OSBPL9: variants seen among roughly 807,000 people sequenced by gnomAD.
The protein encoded by OSBPL9 is oxysterol-binding protein-related protein 9.
In OSBPL9, 40 loss-of-function variants were observed where a neutral mutation model predicts 106.6. The ratio of observed to expected loss-of-function variants is 0.38; its 90% CI spans 0.29 to 0.49. The LOEUF is 0.49. Among genes scored for constraint, OSBPL9 ranks in the 20% least tolerant of loss-of-function variants. OSBPL9 has a pLI of 0.97. For missense variants in OSBPL9, 609 were observed against 887.2 expected, an observed-to-expected ratio of 0.69 and a Z score of 3.98; for synonymous variants, 269 against 295.4, an observed-to-expected ratio of 0.91 and a Z score of 0.92.
At chr1:51,620,332 G>T (rs1022687853) in intron 1 of OSBPL9, among the ~76,000 whole-genome samples, 2 of 152,158 alleles carry the variant, frequency 1.3e-5, no homozygotes, top group African/African-American at 4.8e-5. Context: ...AGGTTACTGA[G>T]TACCTATTGT....
chr1:51,556,927 T>C, the OSBPL9 span, among the ~76,000 whole-genome samples: 1 of 151,024 alleles, frequency 6.6e-6, no homozygotes, highest in Non-Finnish European at 1.5e-5. Flanking sequence ...ACAACAGTAA[T>C]TTATTATACA....
At chr1:51,772,956 G>T (rs1290002310) in intron 14 of OSBPL9, among the ~76,000 whole-genome samples, 4 of 152,144 alleles carry the variant, frequency 2.6e-5, no homozygotes, top group African/African-American at 4.8e-5. Context: ...TTAAGATTTG[G>T]TAGAGTTCTA....
chr1:51,640,214 A>T (rs930115454), intron 1 of OSBPL9, among the ~76,000 whole-genome samples: 3 of 152,226 alleles, frequency 2.0e-5, no homozygotes, highest in African/African-American at 7.2e-5. Context: ...TGTTTGCACA[A>T]AACTTTTTCA....
At chr1:51,549,348 T>C in the OSBPL9 span, among the ~76,000 whole-genome samples, 1 of 152,138 alleles carries the variant, frequency 6.6e-6, no homozygotes, top group African/African-American at 2.4e-5. Context: ...CTTCATGAAG[T>C]CTTTTCTCAA....
chr1:51,526,898 C>T, the OSBPL9 span, among the ~76,000 whole-genome samples: 2 of 152,014 alleles, frequency 1.3e-5, no homozygotes, highest in Admixed American at 6.6e-5. Context: ...GCAAGCGCCA[C>T]CACACCTGGC....
At chr1:51,537,069 C>A in the OSBPL9 span, among the ~76,000 whole-genome samples, 1 of 152,192 alleles carries the variant, frequency 6.6e-6, no homozygotes, top group Non-Finnish European at 1.5e-5. Flanking sequence ...GTGATAGTTG[C>A]AAACTGGTGA....
intron 4 of OSBPL9, among the ~76,000 whole-genome samples, chr1:51,732,288 C>G (rs1171046565): frequency 6.6e-6 from 1 of 152,132 alleles, no homozygotes; most frequent in African/African-American, 2.4e-5. Flanking sequence ...TCTAGGATGT[C>G]CCCTGGGGTA....
chr1:51,562,059 CATT>C, the OSBPL9 span: 1 of 152,244 alleles, frequency 6.6e-6, no homozygotes, highest in East Asian at 1.9e-4. Context: ...GTGAACAAGG[CATT>C]AGTATTTTGT....
chr1:51,648,712 C>T (rs1646321550), intron 1 of OSBPL9, among the ~76,000 whole-genome samples: 1 of 152,232 alleles, frequency 6.6e-6, no homozygotes, highest in South Asian at 2.1e-4. Flanking sequence ...CTGTGCAACT[C>T]AGCCACATTT....
At chr1:51,597,138 G>A (rs1228684634) in intron 1 of OSBPL9, among the ~76,000 whole-genome samples, 1 of 152,160 alleles carries the variant, frequency 6.6e-6, no homozygotes, top group Admixed American at 6.5e-5. Flanking sequence ...CAGAAAGAAA[G>A]CCAATGTGGC....
chr1:51,626,337 C>T (rs757328328), intron 1 of OSBPL9, among the ~76,000 whole-genome samples: 1 of 152,100 alleles, frequency 6.6e-6, no homozygotes, highest in Admixed American at 6.5e-5. Context: ...ACAAACTTTT[C>T]GGGGATCTCA....
At chr1:51,589,699 G>A (rs905189048) in intron 1 of OSBPL9, among the ~76,000 whole-genome samples, 6 of 151,826 alleles carry the variant, frequency 4.0e-5, no homozygotes, top group African/African-American at 1.5e-4. Context: ...CAACAAGAAA[G>A]CCAATGTGGC....
At chr1:51,551,967 ATG>A in the OSBPL9 span, among the ~76,000 whole-genome samples, 361 of 145,034 alleles carry the variant, frequency 2.5e-3, 1 homozygote, top group Middle Eastern at 6.9e-3. Flanking sequence ...GTGAATAGAA[ATG>A]TGTGTGTGTG....
chr1:51,529,999 T>C, the OSBPL9 span, among the ~76,000 whole-genome samples: 1 of 150,842 alleles, frequency 6.6e-6, no homozygotes, highest in Non-Finnish European at 1.5e-5. Context: ...GTGAAACCCG[T>C]GTCTACTAAA....
chr1:51,624,871 C>A (rs1644678708), intron 1 of OSBPL9, among the ~76,000 whole-genome samples: 1 of 152,172 alleles, frequency 6.6e-6, no homozygotes, highest in Non-Finnish European at 1.5e-5. Context: ...CTTGTAAACT[C>A]CATGATGGCA....
intron 2 of OSBPL9, among the ~76,000 whole-genome samples, chr1:51,607,171 T>C (rs1041503507): frequency 1.4e-5 from 2 of 147,932 alleles, no homozygotes; most frequent in African/African-American, 4.9e-5. Context: ...TTTCTTTTTT[T>C]TTTTTTTTTT....
At chr1:51,572,716 G>A (rs1382842733), upstream of OSBPL9, among the ~76,000 whole-genome samples, 2 of 152,190 alleles carry the variant, frequency 1.3e-5, no homozygotes, top group Non-Finnish European at 2.9e-5. Context: ...AACTGGGAAA[G>A]TAATAGTAAT....
intron 3 of OSBPL9, among the ~76,000 whole-genome samples, chr1:51,671,210 G>A (rs1027272030): frequency 6.6e-6 from 1 of 151,986 alleles, no homozygotes; most frequent in African/African-American, 2.4e-5. Context: ...AAAGAACTTG[G>A]TAAGACTGTA....
chr1:51,665,013 G>T (rs1648098434), intron 2 of OSBPL9, among the ~76,000 whole-genome samples: 1 of 152,216 alleles, frequency 6.6e-6, no homozygotes, highest in Non-Finnish European at 1.5e-5. Context: ...ATTCACGGCA[G>T]TGTTATCCAA....
Sources: allele counts gnomAD v4.1 joint callset (sites outside exome capture counted in the v4.1 genomes callset), GRCh38; gene constraint gnomAD v4.1.1; transcripts MANE v1.5; gene names NCBI Gene and HGNC (gene_info 2026-07-23, HGNC 2026-07-21).